CPB1: variants seen among roughly 807,000 people sequenced by gnomAD.
CPB1 encodes carboxypeptidase B1.
Under a neutral mutation model 51.4 loss-of-function variants are expected in CPB1, and 53 were observed. That is an observed-to-expected ratio of 1.03 (90% CI 0.83 to 1.30). The LOEUF is 1.30. Ranked by LOEUF, CPB1 falls within the 50% of genes most tolerant of loss-of-function variation. The pLI is 0.00. For synonymous variants in CPB1, 189 were observed against 186.9 expected (o/e 1.01, Z -0.09); for missense variants, 494 against 516.2 (o/e 0.96, Z 0.42).
chr3:148,850,994 T>A (rs1713410351), intron 9 of CPB1: 1 of 152,218 alleles, frequency 6.6e-6, no homozygotes, highest in South Asian at 2.1e-4. Flanking sequence ...CTTGGCCTGA[T>A]AAAATTCTCC....
chr3:148,840,623 T>C, intron 3 of CPB1, 63 bp from the exon 4 acceptor site: 1 of 1,402,606 alleles, frequency 7.1e-7, no homozygotes, highest in East Asian at 2.3e-5. Context: ...TGGGGTTTTA[T>C]GTGTGTTCAC....
At chr3:148,857,911 G>A (rs1713631734) in intron 10 of CPB1, among the ~76,000 whole-genome samples, 1 of 151,982 alleles carries the variant, frequency 6.6e-6, no homozygotes, top group Non-Finnish European at 1.5e-5. Flanking sequence ...AATAAAAAGG[G>A]AGGAGGAGAA....
intron 5 of CPB1, 29 bp downstream of exon 5, chr3:148,841,004 T>C: frequency 1.3e-6 from 2 of 1,557,136 alleles, no homozygotes; most frequent in Non-Finnish European, 1.8e-6. Context: ...GACCTTGCCA[T>C]GTCTGAGGGC....
chr3:148,841,541 A>G (rs1311243960), intron 5 of CPB1, among the ~76,000 whole-genome samples: 2 of 152,218 alleles, frequency 1.3e-5, no homozygotes, highest in Non-Finnish European at 2.9e-5. Flanking sequence ...TAACCTCCAC[A>G]TGAGTACAAT....
At chr3:148,854,474 T>A (rs902813422) in intron 9 of CPB1, 2 of 152,118 alleles carry the variant, frequency 1.3e-5, no homozygotes, top group Non-Finnish European at 1.5e-5. Flanking sequence ...CTTTTTTTTT[T>A]AATTAATAGA....
chr3:148,844,491 A>G lies in CPB1; in HGVS notation c.590A>G (p.Tyr197Cys), dbSNP rs1344587819. ...QWFVREAVRTYGREIQVTELL... is the reference protein window; with the variant it reads ...QWFVREAVRTCGREIQVTELL... The stretch of plus-strand genomic sequence containing the variant: ...ATTCACATACAGGCTGTTCGTACCT[A>G]TGGACGTGAGATCCAAGTGACAGAG... Residue 197 changes from tyrosine (Y) to cysteine (C), a missense_variant, in exon 7 of 11, where the codon TAT becomes TGT. Coordinates refer to ENST00000282957, the MANE Select transcript of CPB1 (RefSeq NM_001871.3). 6.2e-6 allele frequency: 10 copies of G among 1,613,538 alleles called. No individual in the cohort carries two copies. Among genetic ancestry groups the G allele is most frequent in the Non-Finnish European group, 8.5e-6 (10 of 1,179,524 alleles).
intron 9 of CPB1, 179 bp from the exon 10 acceptor site, chr3:148,857,278 G>A (rs1265920132): frequency 1.9e-6 from 1 of 530,086 alleles, no homozygotes; most frequent in East Asian, 3.3e-5. Flanking sequence ...TCTTGCACAA[G>A]AATTACTTGG....
At chr3:148,844,887 C>A in intron 8 of CPB1, 120 bp downstream of exon 8, 13 of 813,462 alleles carry the variant, frequency 1.6e-5, no homozygotes, top group Non-Finnish European at 2.3e-5. Flanking sequence ...TTCTAACCTT[C>A]TAAAAGCACC....
chr3:148,834,663 C>T, intron 3 of CPB1, 41 bp downstream of exon 3: 2 of 1,571,078 alleles, frequency 1.3e-6, no homozygotes, highest in Non-Finnish European at 8.7e-7. Flanking sequence ...CTCTCCCATG[C>T]ATGCTTTCAT....
At chr3:148,837,742 C>A (rs1712948326) in intron 3 of CPB1, among the ~76,000 whole-genome samples, 1 of 151,892 alleles carries the variant, frequency 6.6e-6, no homozygotes, top group Non-Finnish European at 1.5e-5. Flanking sequence ...GTCAGCAACA[C>A]ATTTCAACCT....
At chr3:148,828,550 G>GT (rs1712639946) in intron 2 of CPB1, among the ~76,000 whole-genome samples, 1 of 152,094 alleles carries the variant, frequency 6.6e-6, no homozygotes, top group African/African-American at 2.4e-5. Context: ...ATGATATGAC[G>GT]TGAGGGGGAA....
At position 148,844,713 on chromosome 3, in the gene CPB1, G is replaced by A. The variant is rs1713183244; in HGVS notation, c.724G>A (p.Gly242Arg). Residue 242 changes from glycine to arginine, a missense_variant, in exon 8 of 11, where the codon GGA becomes AGA. Transcript: ENST00000282957. ...GAGAAAGACTCGCTCCACCCATACT[G>A]GATCTAGCTGCATTGGCACAGACCC... ...FWRKTRSTHTGSSCIGTDPNR... is the reference protein window; with the variant it reads ...FWRKTRSTHTRSSCIGTDPNR... 2 of 1,613,842 alleles carry A rather than the reference G, an allele frequency of 1.2e-6. No individual in the cohort carries two copies. The highest frequency in any genetic ancestry group is 1.7e-6 in the Non-Finnish European group (2 of 1,179,874).
chr3:148,852,960 T>G (rs907791043), intron 9 of CPB1, among the ~76,000 whole-genome samples: 1 of 152,206 alleles, frequency 6.6e-6, no homozygotes, highest in African/African-American at 2.4e-5. Context: ...TGCTTTCTCC[T>G]TGGTTCCTGC....
chr3:148,830,727 C>A (rs114020245), intron 2 of CPB1, among the ~76,000 whole-genome samples: 246 of 152,174 alleles, frequency 1.6e-3, no homozygotes, highest in African/African-American at 5.8e-3. Flanking sequence ...GTGGTAATTT[C>A]ATCTCTCAGT....
intron 2 of CPB1, among the ~76,000 whole-genome samples, chr3:148,833,637 G>A (rs1031176772): frequency 6.6e-6 from 1 of 151,974 alleles, no homozygotes; most frequent in Non-Finnish European, 1.5e-5. Context: ...GCTTCCACTC[G>A]GCACAAGCAA....
At chr3:148,833,321 C>T (rs1269265139) in intron 2 of CPB1, among the ~76,000 whole-genome samples, 1 of 152,148 alleles carries the variant, frequency 6.6e-6, no homozygotes, top group African/African-American at 2.4e-5. Context: ...CCTTATGGGC[C>T]TGATTCGTGA....
intron 8 of CPB1, 59 bp downstream of exon 8, chr3:148,844,826 T>C (rs1403885078): frequency 2.7e-5 from 39 of 1,452,592 alleles, no homozygotes; most frequent in Non-Finnish European, 3.8e-5. Flanking sequence ...AGGAAAAATA[T>C]GAAAACACAA....
At chr3:148,828,722 G>A (rs1416271413) in intron 2 of CPB1, among the ~76,000 whole-genome samples, 2 of 152,186 alleles carry the variant, frequency 1.3e-5, no homozygotes, top group Non-Finnish European at 1.5e-5. Flanking sequence ...CACAAATACA[G>A]TAGTTCCACT....
chr3:148,835,090 G>T (rs1364601157), intron 3 of CPB1, among the ~76,000 whole-genome samples: 1 of 152,124 alleles, frequency 6.6e-6, no homozygotes, highest in East Asian at 1.9e-4. Context: ...TTTCTCTAAA[G>T]TCCCACCACT....
Sources: gnomAD v4.1 joint callset for allele counts (sites outside exome capture counted in the v4.1 genomes callset) on GRCh38, gnomAD v4.1.1 for gene constraint, MANE v1.5 for transcripts, NCBI Gene and HGNC (gene_info 2026-07-23, HGNC 2026-07-21) for gene names.